Variants in DNPEP observed in about 807,000 individuals in gnomAD.
DNPEP encodes aspartyl aminopeptidase.
A neutral mutation model predicts 59.1 loss-of-function variants in DNPEP; 46 were observed. The ratio of observed to expected loss-of-function variants is 0.78; its 90% CI spans 0.61 to 0.99. The LOEUF is 0.99. Ranked by LOEUF, DNPEP falls within the 50% of genes least tolerant of loss-of-function variation. DNPEP has a pLI of 0.00. For synonymous variants in DNPEP, 229 were observed against 242.2 expected, an observed-to-expected ratio of 0.95 and a Z score of 0.50; for missense variants, 617 against 649.9, an observed-to-expected ratio of 0.95 and a Z score of 0.55.
chr2:219,373,360 G>A lies in DNPEP; in HGVS notation c.*932C>T, dbSNP rs977453086. ...TGGGACTACAGGCATGACCCATCAC[G>A]CCTGGCCTTTTTTCTCTGAGACAGA... On this transcript the variant is annotated 3_prime_UTR_variant, in exon 15 of 15. Transcript: ENST00000273075. Among the ~76,000 whole-genome samples the A allele has an allele frequency of 2.6e-5, 4 of 151,458 alleles. No individual in the cohort carries two copies. Among genetic ancestry groups the A allele is most frequent in the African/African-American group, 9.7e-5 (4 of 41,162 alleles).
chr2:219,380,115 G>A (rs932799067), intron 13 of DNPEP, among the ~76,000 whole-genome samples: 1 of 151,266 alleles, frequency 6.6e-6, no homozygotes, highest in African/African-American at 2.4e-5. Flanking sequence ...TTCGAGTGCC[G>A]TAAGCTCCAT....
chr2:219,375,665 G>A (rs965778593), intron 13 of DNPEP, among the ~76,000 whole-genome samples: 1 of 152,048 alleles, frequency 6.6e-6, no homozygotes, highest in Non-Finnish European at 1.5e-5. Context: ...GGGTTCAAGC[G>A]ATTCTCCTGT....
At chr2:219,384,488 C>A in intron 8 of DNPEP, 45 bp from the exon 9 acceptor site, 1 of 1,534,504 alleles carries the variant, frequency 6.5e-7, no homozygotes, top group Admixed American at 1.8e-5. Context: ...CCTCCACCCC[C>A]ACTCACCTTT....
chr2:219,387,652 T>C (rs562391743), intron 1 of DNPEP, 107 bp downstream of exon 1: 9 of 1,562,738 alleles, frequency 5.8e-6, no homozygotes, highest in African/African-American at 5.5e-5. Context: ...TCGGTTTCGC[T>C]TTGGGTCAGG....
rs1374325564 is a variant in DNPEP, at chr2:219,386,077, C to T, written c.481G>A (p.Glu161Lys). The T allele has an allele frequency of 6.2e-7, 1 of 1,613,978 alleles. No homozygotes were observed. The highest frequency in any genetic ancestry group is 1.6e-4 in the Middle Eastern group (1 of 6,084). The part of the protein sequence containing the change: ...IVKCPTSGRL[E>K]QQLVHVERPI... Reference sequence around the variant, plus strand: ...CGCTCCACGTGCACCAGCTGCTGCTCCAGCCGACCTGAGGTAGGGCACTGC... The same window carrying T: ...CGCTCCACGTGCACCAGCTGCTGCTTCAGCCGACCTGAGGTAGGGCACTGC... Residue 161 changes from glutamate to lysine, a missense_variant, in exon 6 of 15, where the codon GAG becomes AAG. Coordinates refer to ENST00000273075, the MANE Select transcript of DNPEP (RefSeq NM_012100.4).
chr2:219,381,292 A>G (rs377545006), intron 13 of DNPEP, 43 bp downstream of exon 13: 14 of 1,578,722 alleles, frequency 8.9e-6, no homozygotes, highest in Non-Finnish European at 1.2e-5. Context: ...TGCCCCCACC[A>G]AGCTCCCTCC....
chr2:219,390,132 G>T (rs1953992360), upstream of DNPEP, among the ~76,000 whole-genome samples: 1 of 152,230 alleles, frequency 6.6e-6, no homozygotes, highest in South Asian at 2.1e-4. Context: ...CATTTTGGGA[G>T]GGAAATACAG....
At chr2:219,392,820 A>G (rs1436441485), upstream of DNPEP, among the ~76,000 whole-genome samples, 1 of 152,140 alleles carries the variant, frequency 6.6e-6, no homozygotes, top group Non-Finnish European at 1.5e-5. Context: ...TAGAACTACA[A>G]ACTATTGATC....
chr2:219,376,421 G>T (rs1312855698), intron 13 of DNPEP, among the ~76,000 whole-genome samples: 2 of 151,478 alleles, frequency 1.3e-5, no homozygotes, highest in Non-Finnish European at 2.9e-5. Context: ...CTGTGGGGAG[G>T]AGGTTGCAGT....
chr2:219,372,892 A>G lies in DNPEP; in HGVS notation c.*1400T>C, dbSNP rs576080200. Among the ~76,000 whole-genome samples, 2 of 152,328 alleles carry G rather than the reference A, an allele frequency of 1.3e-5. No individual in the cohort carries two copies. Among genetic ancestry groups the G allele is most frequent in the Admixed American group, 1.3e-4 (2 of 15,296 alleles). ...TTTGCCATTGCTAAATTAAATTTATATGTATTGATATAGAAATATCTCTAT... is the reference window on the plus strand; with the variant it reads ...TTTGCCATTGCTAAATTAAATTTATGTGTATTGATATAGAAATATCTCTAT... On this transcript the variant is annotated 3_prime_UTR_variant, in exon 15 of 15. Coordinates refer to ENST00000273075, the MANE Select transcript of DNPEP (RefSeq NM_012100.4).
intron 8 of DNPEP, 80 bp from the exon 9 acceptor site, chr2:219,384,523 G>T: frequency 8.0e-7 from 1 of 1,249,040 alleles, no homozygotes; most frequent in Non-Finnish European, 1.1e-6. Flanking sequence ...GGTCTCCTTG[G>T]TTTCTTGCGC....
chr2:219,387,993 G>T, upstream of DNPEP: 1 of 1,202,764 alleles, frequency 8.3e-7, no homozygotes, highest in Middle Eastern at 3.0e-4. Flanking sequence ...GCCCACCTCG[G>T]TCAGCCCCGC....
upstream of DNPEP, chr2:219,393,566 C>T (rs1954051847): frequency 6.6e-6 from 1 of 152,556 alleles, no homozygotes; most frequent in East Asian, 1.9e-4. Flanking sequence ...AGGTGTGAGC[C>T]ACCACACCCA....
intron 10 of DNPEP, 68 bp from the exon 11 acceptor site, chr2:219,382,207 G>A (rs1050190428): frequency 2.5e-5 from 38 of 1,541,970 alleles, no homozygotes; most frequent in Non-Finnish European, 3.2e-5. Flanking sequence ...GCCAGTGAGA[G>A]GGGCCCATTG....
chr2:219,374,418 A>T, intron 14 of DNPEP, 76 bp from the exon 15 acceptor site: 1 of 1,351,098 alleles, frequency 7.4e-7, no homozygotes, highest in Non-Finnish European at 1.1e-6. Context: ...ACCTCCCACC[A>T]ACATATGTTC....
upstream of DNPEP, chr2:219,388,419 C>T (rs1213008005): frequency 1.4e-5 from 2 of 143,924 alleles, no homozygotes; most frequent in Non-Finnish European, 3.0e-5. Context: ...CGCCGCTCGT[C>T]ACGCTTCCTC....
upstream of DNPEP, chr2:219,393,784 CA>C (rs547790041): frequency 2.6e-5 from 4 of 152,206 alleles, no homozygotes; most frequent in South Asian, 8.3e-4. Flanking sequence ...AGAATTTCCG[CA>C]AGTTTTAAGC....
intron 10 of DNPEP, 119 bp from the exon 11 acceptor site, chr2:219,382,258 T>A: frequency 8.7e-7 from 1 of 1,146,946 alleles, no homozygotes; most frequent in African/African-American, 1.5e-5. Flanking sequence ...TGGGTGTTCT[T>A]AGCAACACCC....
intron 1 of DNPEP, 125 bp from the exon 2 acceptor site, chr2:219,387,288 G>T (rs1250312200): frequency 2.8e-6 from 4 of 1,431,366 alleles, no homozygotes; most frequent in South Asian, 1.5e-5. Context: ...CTCTGCTTCC[G>T]CCCGTCCCCA....
Sources: allele counts gnomAD v4.1 joint callset (sites outside exome capture counted in the v4.1 genomes callset), GRCh38; gene constraint gnomAD v4.1.1; transcripts MANE v1.5; gene names NCBI Gene and HGNC (gene_info 2026-07-23, HGNC 2026-07-21).